MICU2: variants seen among roughly 807,000 people sequenced by gnomAD.
The protein encoded by MICU2 is mitochondrial calcium uptake 2.
MICU2 carries 64 observed loss-of-function variants against 60.4 expected under a neutral mutation model. That is an observed-to-expected ratio of 1.06 (90% CI 0.87 to 1.31). MICU2 has a LOEUF of 1.31. MICU2 is among the 50% of genes most tolerant of loss of function. MICU2 has a pLI of 0.00. For missense variants in MICU2, 569 were observed against 531.0 expected (o/e 1.07, Z -0.70); for synonymous variants, 201 against 175.0 (o/e 1.15, Z -1.17).
At chr13:21,602,298 G>A (rs572274646) in intron 1 of MICU2, among the ~76,000 whole-genome samples, 8 of 151,948 alleles carry the variant, frequency 5.3e-5, no homozygotes, top group African/African-American at 1.7e-4. Context: ...CAAGGCGGGC[G>A]GATCACGAGG....
At chr13:21,517,793 A>ATG (rs1886610524) in intron 6 of MICU2, among the ~76,000 whole-genome samples, 1 of 97,182 alleles carries the variant, frequency 1.0e-5, no homozygotes, top group African/African-American at 3.6e-5. Context: ...ACACACACAC[A>ATG]CACACACGCG....
intron 2 of MICU2, among the ~76,000 whole-genome samples, chr13:21,563,231 G>A (rs1158748570): frequency 3.3e-5 from 5 of 152,014 alleles, no homozygotes; most frequent in African/African-American, 7.2e-5. Context: ...CAAGGTGGGC[G>A]GATCATGAGG....
intron 4 of MICU2, among the ~76,000 whole-genome samples, chr13:21,528,813 C>G (rs988724202): frequency 2.0e-5 from 3 of 152,292 alleles, no homozygotes; most frequent in Middle Eastern, 3.4e-3. Flanking sequence ...GGGAACAATT[C>G]TTTCTACTGA....
chr13:21,499,579 T>G (rs534052985), intron 9 of MICU2, among the ~76,000 whole-genome samples: 42 of 151,914 alleles, frequency 2.8e-4, no homozygotes, highest in South Asian at 1.0e-3. Flanking sequence ...CCTGTCTAAT[T>G]TTTTGTATTT....
intron 1 of MICU2, among the ~76,000 whole-genome samples, chr13:21,593,517 A>G (rs1888628664): frequency 6.6e-6 from 1 of 150,706 alleles, no homozygotes; most frequent in African/African-American, 2.4e-5. Context: ...AAAAACACAA[A>G]AACTATTTCA....
intron 5 of MICU2, 117 bp from the exon 6 acceptor site, chr13:21,521,444 C>A: frequency 1.5e-6 from 1 of 680,324 alleles, no homozygotes; most frequent in Non-Finnish European, 2.4e-6. Flanking sequence ...AGTGCCTACA[C>A]AGAAAAATAA....
chr13:21,602,818 T>C (rs1485887573), intron 1 of MICU2: 1 of 152,080 alleles, frequency 6.6e-6, no homozygotes, highest in Non-Finnish European at 1.5e-5. Flanking sequence ...ATAATGTAAA[T>C]CTAAAAAAGA....
chr13:21,540,112 T>A (rs1887245579), intron 2 of MICU2, among the ~76,000 whole-genome samples: 1 of 152,334 alleles, frequency 6.6e-6, no homozygotes, highest in South Asian at 2.1e-4. Context: ...TGGAAAGTCC[T>A]CTTAGGCTTA....
intron 1 of MICU2, among the ~76,000 whole-genome samples, chr13:21,601,691 C>T (rs557954407): frequency 6.6e-6 from 1 of 151,674 alleles, no homozygotes; most frequent in Non-Finnish European, 1.5e-5. Context: ...TTGCAGCTGG[C>T]GGGTGAGCGG....
intron 1 of MICU2, among the ~76,000 whole-genome samples, chr13:21,586,926 TAGAAGCTGCTCTCCC>T (rs749651036): frequency 1.3e-5 from 2 of 152,216 alleles, no homozygotes; most frequent in Non-Finnish European, 2.9e-5. Flanking sequence ...TTTGTTTTCC[TAGAAGCTGCTCTCCC>T]AGGCATCTTC....
chr13:21,558,280 C>G (rs1315265600), intron 2 of MICU2, among the ~76,000 whole-genome samples: 1 of 152,114 alleles, frequency 6.6e-6, no homozygotes, highest in Non-Finnish European at 1.5e-5. Flanking sequence ...GGGCAGCACT[C>G]TAGTTTCCGT....
At chr13:21,592,693 A>G (rs1215213723) in intron 1 of MICU2, among the ~76,000 whole-genome samples, 1 of 152,210 alleles carries the variant, frequency 6.6e-6, no homozygotes, top group African/African-American at 2.4e-5. Context: ...CATCCCTGGG[A>G]TGCAAGGGTG....
At chr13:21,555,967 T>G (rs1313182271) in intron 2 of MICU2, among the ~76,000 whole-genome samples, 2 of 152,158 alleles carry the variant, frequency 1.3e-5, no homozygotes, top group South Asian at 2.1e-4. Context: ...GTTTTAGAAA[T>G]TTTTCATTCT....
intron 2 of MICU2, among the ~76,000 whole-genome samples, chr13:21,548,854 C>T (rs1260603129): frequency 2.0e-5 from 3 of 151,154 alleles, no homozygotes; most frequent in Non-Finnish European, 4.4e-5. Flanking sequence ...AGGATTCTAT[C>T]GCCGTATCTC....
At chr13:21,599,718 A>G (rs1200144400) in intron 1 of MICU2, among the ~76,000 whole-genome samples, 2 of 152,360 alleles carry the variant, frequency 1.3e-5, no homozygotes, top group East Asian at 3.9e-4. Context: ...CCCTAAATCT[A>G]GTTTTCAATT....
At chr13:21,503,208 G>T in intron 8 of MICU2, 111 bp from the exon 9 acceptor site, 1 of 727,188 alleles carries the variant, frequency 1.4e-6, no homozygotes, top group Non-Finnish European at 2.2e-6. Context: ...GCTGCCTCCT[G>T]ATGGTAAGCA....
intron 2 of MICU2, among the ~76,000 whole-genome samples, chr13:21,558,744 A>C (rs1389447600): frequency 6.6e-6 from 1 of 152,080 alleles, no homozygotes; most frequent in African/African-American, 2.4e-5. Context: ...TTACAAGTTG[A>C]GACAAGAGCA....
At chr13:21,494,740 C>T (rs1885949648) in intron 11 of MICU2, among the ~76,000 whole-genome samples, 1 of 152,098 alleles carries the variant, frequency 6.6e-6, no homozygotes, top group Non-Finnish European at 1.5e-5. Flanking sequence ...GTTATCCACG[C>T]TGGTCTCAAA....
intron 4 of MICU2, among the ~76,000 whole-genome samples, chr13:21,532,394 A>T (rs1887023073): frequency 1.3e-5 from 2 of 152,162 alleles, no homozygotes; most frequent in African/African-American, 4.8e-5. Context: ...AAAGAAAAAC[A>T]TTTTACTTGT....
Sources: allele counts gnomAD v4.1 joint callset (sites outside exome capture counted in the v4.1 genomes callset), GRCh38; gene constraint gnomAD v4.1.1; transcripts MANE v1.5; gene names NCBI Gene and HGNC (gene_info 2026-07-23, HGNC 2026-07-21).